Variants in TMEM117 observed in about 807,000 individuals in gnomAD.
TMEM117 encodes the protein transmembrane protein 117.
TMEM117 carries 27 observed loss-of-function variants against 52.4 expected under a neutral mutation model. The ratio of observed to expected loss-of-function variants is 0.51; its 90% CI spans 0.38 to 0.71. TMEM117 has a LOEUF of 0.71. Among genes scored for constraint, TMEM117 ranks in the 30% least tolerant of loss-of-function variants. The probability of loss-of-function intolerance (pLI) is 0.00; values close to 1 mark genes in which losing one functional copy is unlikely to be tolerated. For missense variants in TMEM117, 556 were observed against 630.5 expected, an observed-to-expected ratio of 0.88 and a Z score of 1.26; for synonymous variants, 215 against 206.3, an observed-to-expected ratio of 1.04 and a Z score of -0.36.
chr12:43,954,970 G>T (rs1184521052), intron 3 of TMEM117, among the ~76,000 whole-genome samples: 1 of 152,140 alleles, frequency 6.6e-6, no homozygotes, highest in African/African-American at 2.4e-5. Flanking sequence ...AGGATGCAAG[G>T]CTGGTTCAAC....
chr12:44,303,749 G>C (rs953034206), intron 6 of TMEM117, among the ~76,000 whole-genome samples: 1 of 152,074 alleles, frequency 6.6e-6, no homozygotes, highest in Non-Finnish European at 1.5e-5. Context: ...TTGACTTGTA[G>C]CATATCCCAC....
At chr12:43,959,221 G>T (rs2137657526) in intron 3 of TMEM117, among the ~76,000 whole-genome samples, 2 of 152,324 alleles carry the variant, frequency 1.3e-5, no homozygotes, top group African/African-American at 4.8e-5. Flanking sequence ...AATTGTTCAA[G>T]ATCCAATTAA....
At position 43,875,220 on chromosome 12, in the gene TMEM117, AGTGTGT is replaced by A. The variant is rs63614060; in HGVS notation, c.277+30318_277+30323del. Reference sequence around the variant, plus strand: ...AGGGGGTTGAAAAGAATGGTGGGGAAGTGTGTGTGTGTGTGTGTGTGTGTGTGTGTG... The same window carrying A: ...AGGGGGTTGAAAAGAATGGTGGGGAAGTGTGTGTGTGTGTGTGTGTGTGTG... On this transcript the variant is annotated intron_variant, in intron 2 of 7. Transcript: ENST00000266534. 2.7e-3 allele frequency among the ~76,000 whole-genome samples: 399 copies of A among 147,964 alleles called. 1 individual carries two copies. Among genetic ancestry groups the A allele is most frequent in the East Asian group, 0.025 (126 of 5,000 alleles).
intron 4 of TMEM117, among the ~76,000 whole-genome samples, chr12:44,145,204 T>G (rs754101780): frequency 2.6e-5 from 4 of 152,130 alleles, no homozygotes; most frequent in Non-Finnish European, 5.9e-5. Context: ...TGGAAAAAGC[T>G]TTTTAGGAGG....
chr12:43,809,763 T>TA, the TMEM117 span, among the ~76,000 whole-genome samples: 3 of 152,250 alleles, frequency 2.0e-5, no homozygotes, highest in East Asian at 5.8e-4. Context: ...CTTTGGGTTA[T>TA]AAAAAATGAG....
intron 4 of TMEM117, among the ~76,000 whole-genome samples, chr12:44,206,841 C>G (rs1949574344): frequency 1.3e-5 from 2 of 151,980 alleles, no homozygotes; most frequent in Non-Finnish European, 2.9e-5. Context: ...AGGGTGAGGA[C>G]CAAAAACTTC....
intron 3 of TMEM117, among the ~76,000 whole-genome samples, chr12:44,138,344 G>A (rs946190728): frequency 7.9e-5 from 12 of 152,102 alleles, no homozygotes; most frequent in African/African-American, 2.7e-4. Context: ...GAGCCTTTCA[G>A]AAGTAACATT....
chr12:44,347,080 C>A (rs1951498633), intron 6 of TMEM117, among the ~76,000 whole-genome samples: 1 of 151,974 alleles, frequency 6.6e-6, no homozygotes, highest in African/African-American at 2.4e-5. Flanking sequence ...CCTTTACACA[C>A]ACACACACAC....
intron 3 of TMEM117, among the ~76,000 whole-genome samples, chr12:44,097,293 G>A (rs1419188994): frequency 6.6e-6 from 1 of 152,128 alleles, no homozygotes; most frequent in East Asian, 1.9e-4. Context: ...CAACCATTGT[G>A]GAAGTCAGTG....
chr12:44,152,461 TATCTATAATTATATC>T (rs1948754535), intron 4 of TMEM117, among the ~76,000 whole-genome samples: 1 of 114,292 alleles, frequency 8.7e-6, no homozygotes, highest in African/African-American at 3.6e-5. Flanking sequence ...AAAATTTTTA[TATCTATAATTATATC>T]ATATATAAAT....
chr12:44,245,549 C>G (rs750902281), intron 5 of TMEM117, among the ~76,000 whole-genome samples: 1 of 142,242 alleles, frequency 7.0e-6, no homozygotes, highest in Non-Finnish European at 1.5e-5. Context: ...ATTTTATGTC[C>G]TGCAACTTAA....
Position 44,388,465 on chromosome 12 carries a change from G to A in TMEM117, c.1338G>A (p.Met446Ile), listed in dbSNP as rs1952124637. Residue 446 changes from methionine (M) to isoleucine (I), a missense_variant, in exon 8 of 8, where the codon ATG becomes ATA. By Grantham distance (10) the Met-to-Ile change is conservative (BLOSUM62 1). Transcript: ENST00000266534. ...CTCCATCAGAACATAGCAAAGACAT[G>A]GGAATCACTCGAGAAAACACCCAGG... Reference protein sequence around the residue: ...RKSPSEHSKDMGITRENTQAS... With the variant: ...RKSPSEHSKDIGITRENTQAS... The A allele has an allele frequency of 6.2e-7, 1 of 1,613,202 alleles. No individual in the cohort carries two copies. The highest frequency in any genetic ancestry group is 1.7e-5 in the Admixed American group (1 of 59,884).
At chr12:43,875,234 TGTG>T (rs1291176102) in intron 2 of TMEM117, among the ~76,000 whole-genome samples, 54 of 151,680 alleles carry the variant, frequency 3.6e-4, no homozygotes, top group Non-Finnish European at 3.5e-4. Context: ...TGTGTGTGTG[TGTG>T]TGTGTGTGTG....
At position 44,374,616 on chromosome 12, in the gene TMEM117, T is replaced by TTGTGTGTG. The variant is rs5742462; in HGVS notation, c.769-1947_769-1940dup. Among the ~76,000 whole-genome samples, 1,334 of 144,886 alleles carry TTGTGTGTG rather than the reference T, an allele frequency of 9.2e-3. 14 individuals are homozygous for TTGTGTGTG. Among genetic ancestry groups the TTGTGTGTG allele is most frequent in the African/African-American group, 0.021 (833 of 39,394 alleles). On this transcript the variant is annotated intron_variant, in intron 6 of 7. Transcript: ENST00000266534. Reference sequence around the variant, plus strand: ...AGGTGGGAAATAATCAAGGAACTATTTGTGTGTGTGTGTGTGTGTGTGTGT... The same window carrying TTGTGTGTG: ...AGGTGGGAAATAATCAAGGAACTATTTGTGTGTGTGTGTGTGTGTGTGTGTGTGTGTGT...
At chr12:43,947,894 C>G (rs762607476) in intron 3 of TMEM117, among the ~76,000 whole-genome samples, 8 of 152,096 alleles carry the variant, frequency 5.3e-5, no homozygotes, top group Non-Finnish European at 1.2e-4. Context: ...AAGGAGTTTT[C>G]TTAGACTGGT....
At chr12:44,048,288 T>A (rs190050743) in intron 3 of TMEM117, among the ~76,000 whole-genome samples, 1 of 152,304 alleles carries the variant, frequency 6.6e-6, no homozygotes, top group Non-Finnish European at 1.5e-5. Flanking sequence ...ACAATCATTT[T>A]CAAGATCCAA....
chr12:43,815,212 C>T, the TMEM117 span, among the ~76,000 whole-genome samples: 1 of 152,198 alleles, frequency 6.6e-6, no homozygotes, highest in Non-Finnish European at 1.5e-5. Flanking sequence ...AGCTCCTAGT[C>T]AATGTTAAGT....
intron 1 of TMEM117, among the ~76,000 whole-genome samples, chr12:43,838,536 A>ATTTTTTTTTTTTTTTT (rs1565712907): frequency 7.4e-6 from 1 of 134,298 alleles, no homozygotes. Context: ...GGAGTCTTCC[A>ATTTTTTTTTTTTTTTT]GTTTTTTTTT....
chr12:44,284,027 C>T (rs1279391735), intron 5 of TMEM117, among the ~76,000 whole-genome samples: 2 of 151,950 alleles, frequency 1.3e-5, no homozygotes, highest in Non-Finnish European at 2.9e-5. Context: ...GTAAGAAGTG[C>T]CTTTTGGCCG....
Sources: gnomAD v4.1 joint callset for allele counts (sites outside exome capture counted in the v4.1 genomes callset) on GRCh38, gnomAD v4.1.1 for gene constraint, MANE v1.5 for transcripts, NCBI Gene and HGNC (gene_info 2026-07-23, HGNC 2026-07-21) for gene names.